KIAA1217: variants seen among roughly 807,000 people sequenced by gnomAD.
The protein encoded by KIAA1217 is sickle tail protein homolog.
In KIAA1217, 88 loss-of-function variants were observed where a neutral mutation model predicts 163.9. The ratio of observed to expected loss-of-function variants is 0.54; its 90% CI spans 0.45 to 0.64. The LOEUF is 0.64. Among genes scored for constraint, KIAA1217 ranks in the 30% least tolerant of loss-of-function variants. The probability of loss-of-function intolerance (pLI) is 0.00; values close to 1 mark genes in which losing one functional copy is unlikely to be tolerated. For missense variants in KIAA1217, 2,372 were observed against 2,475.0 expected (o/e 0.96, Z 0.88); for synonymous variants, 903 against 923.1 (o/e 0.98, Z 0.39).
intron 1 of KIAA1217, among the ~76,000 whole-genome samples, chr10:23,972,534 T>G (rs1376231563): frequency 6.6e-6 from 1 of 151,638 alleles, no homozygotes; most frequent in Non-Finnish European, 1.5e-5. Flanking sequence ...ACACTATGTA[T>G]TCTCACTCAC....
chr10:23,831,647 A>G (rs1838207031), intron 1 of KIAA1217, among the ~76,000 whole-genome samples: 1 of 152,170 alleles, frequency 6.6e-6, no homozygotes, highest in African/African-American at 2.4e-5. Context: ...TAGTACAGAG[A>G]TGATAATACA....
intron 11 of KIAA1217, among the ~76,000 whole-genome samples, chr10:24,520,641 A>ATATATATATATATAT (rs1554926651): frequency 3.4e-5 from 3 of 87,050 alleles, no homozygotes; most frequent in Non-Finnish European, 2.0e-5. Context: ...AAAAAAAAAA[A>ATATATATATATATAT]AAAAAAAAAA....
At chr10:23,858,900 C>T (rs1398684226) in intron 1 of KIAA1217, among the ~76,000 whole-genome samples, 5 of 152,162 alleles carry the variant, frequency 3.3e-5, no homozygotes, top group Non-Finnish European at 7.3e-5. Context: ...ATCTCAAAAT[C>T]GTCCTTACTT....
At chr10:23,867,117 T>C (rs1009741460) in intron 1 of KIAA1217, among the ~76,000 whole-genome samples, 17 of 151,746 alleles carry the variant, frequency 1.1e-4, no homozygotes, top group African/African-American at 4.1e-4. Context: ...TTTTTGTTCT[T>C]GCGATAGTTT....
intron 1 of KIAA1217, among the ~76,000 whole-genome samples, chr10:23,746,239 C>T (rs1189935937): frequency 6.6e-6 from 1 of 152,152 alleles, no homozygotes; most frequent in Non-Finnish European, 1.5e-5. Context: ...TGTCTTGCCT[C>T]CTCTTTCACC....
intron 1 of KIAA1217, among the ~76,000 whole-genome samples, chr10:23,991,697 A>G (rs1846226215): frequency 1.3e-5 from 2 of 152,214 alleles, no homozygotes; most frequent in African/African-American, 4.8e-5. Context: ...ATATCAGTAT[A>G]TCACAACCAT....
intron 2 of KIAA1217, among the ~76,000 whole-genome samples, chr10:24,073,491 G>A (rs2061261599): frequency 6.6e-6 from 1 of 152,228 alleles, no homozygotes; most frequent in Non-Finnish European, 1.5e-5. Flanking sequence ...TGTAAATTTG[G>A]AAGTTATCAG....
chr10:24,317,646 A>C (rs543926910), intron 2 of KIAA1217, among the ~76,000 whole-genome samples: 2 of 152,314 alleles, frequency 1.3e-5, no homozygotes, highest in African/African-American at 4.8e-5. Flanking sequence ...GTATATTGGC[A>C]TGTATGTAGA....
At chr10:24,289,677 A>G (rs887238429) in intron 2 of KIAA1217, among the ~76,000 whole-genome samples, 6 of 151,982 alleles carry the variant, frequency 3.9e-5, no homozygotes, top group African/African-American at 1.2e-4. Context: ...TGGGAAGGAG[A>G]GGGGAATGTT....
At chr10:24,522,201 G>A (rs1018789327) in intron 12 of KIAA1217, among the ~76,000 whole-genome samples, 2 of 152,116 alleles carry the variant, frequency 1.3e-5, no homozygotes, top group African/African-American at 2.4e-5. Context: ...TGAAAGGCCA[G>A]GTGTGGTGGC....
At chr10:24,352,018 C>T (rs888716347) in intron 2 of KIAA1217, among the ~76,000 whole-genome samples, 4 of 152,216 alleles carry the variant, frequency 2.6e-5, no homozygotes, top group African/African-American at 9.6e-5. Flanking sequence ...CACCAGAGAT[C>T]CCTCACACAG....
At chr10:24,097,931 A>G (rs1049930924) in intron 2 of KIAA1217, among the ~76,000 whole-genome samples, 6 of 152,104 alleles carry the variant, frequency 3.9e-5, no homozygotes, top group African/African-American at 1.4e-4. Flanking sequence ...GCATTCCTCT[A>G]GGGAAACTGC....
intron 5 of KIAA1217, among the ~76,000 whole-genome samples, chr10:24,469,863 C>T (rs1194409177): frequency 2.6e-5 from 4 of 152,192 alleles, no homozygotes; most frequent in South Asian, 2.1e-4. Context: ...CCGCCTGCCT[C>T]GGCCTCCCAA....
At chr10:24,204,573 G>A (rs527995606), upstream of KIAA1217, among the ~76,000 whole-genome samples, 46 of 152,260 alleles carry the variant, frequency 3.0e-4, no homozygotes, top group South Asian at 1.7e-3. Context: ...AACCTAAGGC[G>A]CCCAGAGGGC....
intron 2 of KIAA1217, among the ~76,000 whole-genome samples, chr10:24,177,093 C>T (rs1294400815): frequency 6.6e-6 from 1 of 151,504 alleles, no homozygotes; most frequent in Non-Finnish European, 1.5e-5. Context: ...CCACACCTCC[C>T]CACAAGCACA....
chr10:23,955,984 C>T (rs1418403948), intron 1 of KIAA1217, among the ~76,000 whole-genome samples: 1 of 152,164 alleles, frequency 6.6e-6, no homozygotes, highest in Non-Finnish European at 1.5e-5. Context: ...AGAGAGTACC[C>T]TTTTCTAGCT....
intron 1 of KIAA1217, among the ~76,000 whole-genome samples, chr10:23,997,993 TTC>T (rs1564598234): frequency 6.6e-6 from 1 of 151,308 alleles, no homozygotes; most frequent in East Asian, 1.9e-4. Flanking sequence ...CTTTTTTTTT[TTC>T]CCCCCAAAAC....
chr10:23,839,268 C>T lies in KIAA1217; in HGVS notation c.-321+144034C>T, dbSNP rs545551851. On this transcript the variant is annotated intron_variant, in intron 1 of 18. Coordinates refer to the KIAA1217 transcript ENST00000376462. ...CTGATTAAATTTTGAGATGACAAAA[C>T]CAGTATTGCTGACAATCTTCTTGTG... is the stretch of plus-strand genomic sequence containing the variant. Among the ~76,000 whole-genome samples, 15 of 152,248 alleles carry T rather than the reference C, an allele frequency of 9.9e-5. No individual in the cohort carries two copies. The South Asian group carries it at 3.1e-3, about 32-fold the overall frequency.
intron 5 of KIAA1217, among the ~76,000 whole-genome samples, chr10:24,460,126 C>T (rs1445395639): frequency 6.6e-6 from 1 of 152,178 alleles, no homozygotes; most frequent in Non-Finnish European, 1.5e-5. Flanking sequence ...CTGCCACAGA[C>T]TTCAACTAAA....
Sources: allele counts gnomAD v4.1 joint callset (sites outside exome capture counted in the v4.1 genomes callset), GRCh38; gene constraint gnomAD v4.1.1; transcripts MANE v1.5; gene names NCBI Gene and HGNC (gene_info 2026-07-23, HGNC 2026-07-21).